RAD51B: variants seen among roughly 807,000 people sequenced by gnomAD.
The protein encoded by RAD51B is DNA repair protein RAD51 homolog 2.
Under a neutral mutation model 42.2 loss-of-function variants are expected in RAD51B, and 38 were observed. The ratio of observed to expected loss-of-function variants is 0.90; its 90% CI spans 0.70 to 1.18. The LOEUF (loss-of-function observed/expected upper bound fraction) is 1.18. Ranked by LOEUF, RAD51B falls within the 50% of genes most tolerant of loss-of-function variation. The pLI, the probability that RAD51B is intolerant of heterozygous loss-of-function variation, is 0.00. For missense variants in RAD51B, 373 were observed against 400.7 expected, an observed-to-expected ratio of 0.93 and a Z score of 0.59; for synonymous variants, 154 against 145.2, an observed-to-expected ratio of 1.06 and a Z score of -0.43.
At chr14:68,156,418 G>T (rs1211541638) in intron 7 of RAD51B, among the ~76,000 whole-genome samples, 1 of 149,036 alleles carries the variant, frequency 6.7e-6, no homozygotes, top group Non-Finnish European at 1.5e-5. Flanking sequence ...GCTTTTAGGG[G>T]AATCCCTTTT....
chr14:68,505,637 A>G (rs572481959), intron 10 of RAD51B, among the ~76,000 whole-genome samples: 168 of 139,380 alleles, frequency 1.2e-3, no homozygotes, highest in Non-Finnish European at 1.8e-3. Context: ...TGCAACCTCT[A>G]CCTCTCTGGT....
downstream of RAD51B, among the ~76,000 whole-genome samples, chr14:68,480,662 G>GA (rs111748995): frequency 0.019 from 2,755 of 146,084 alleles, 62 homozygotes; most frequent in Admixed American, 0.074. Flanking sequence ...AGATTATCAG[G>GA]AAAAAAAAAA....
intron 7 of RAD51B, among the ~76,000 whole-genome samples, chr14:68,154,799 G>A (rs1250705025): frequency 2.6e-5 from 4 of 151,958 alleles, no homozygotes; most frequent in Non-Finnish European, 5.9e-5. Flanking sequence ...GTTTTAGGTG[G>A]TAGGGTAAAT....
At chr14:68,155,487 C>A (rs746169650) in intron 7 of RAD51B, among the ~76,000 whole-genome samples, 1 of 152,036 alleles carries the variant, frequency 6.6e-6, no homozygotes, top group Non-Finnish European at 1.5e-5. Context: ...CCACCGCGCC[C>A]GGCCTATATT....
intron 10 of RAD51B, among the ~76,000 whole-genome samples, chr14:68,515,778 C>CTTT (rs546071661): frequency 8.8e-6 from 1 of 113,398 alleles, no homozygotes; most frequent in Non-Finnish European, 1.8e-5. Context: ...CTTTTCTTTT[C>CTTT]TTTTTTTTTT....
intron 8 of RAD51B, among the ~76,000 whole-genome samples, chr14:68,348,855 T>C (rs2082727649): frequency 6.6e-6 from 1 of 152,234 alleles, no homozygotes; most frequent in Admixed American, 6.5e-5. Context: ...GCCAAGATCC[T>C]GCCACTGCAC....
At chr14:68,025,440 C>CTGG in intron 7 of RAD51B, among the ~76,000 whole-genome samples, 1 of 119,300 alleles carries the variant, frequency 8.4e-6, no homozygotes, top group East Asian at 2.5e-4. Context: ...CTTTGTATGT[C>CTGG]TGGTAGAATT....
At chr14:68,077,062 C>T (rs961221985) in intron 7 of RAD51B, among the ~76,000 whole-genome samples, 3 of 151,974 alleles carry the variant, frequency 2.0e-5, no homozygotes, top group African/African-American at 4.8e-5. Flanking sequence ...CATCTGTAGC[C>T]AAAGGAGTAA....
At chr14:68,090,288 A>G (rs544392689) in intron 7 of RAD51B, among the ~76,000 whole-genome samples, 43 of 152,248 alleles carry the variant, frequency 2.8e-4, no homozygotes, top group African/African-American at 5.1e-4. Flanking sequence ...GCAAATAAAA[A>G]TAGGGATCTT....
rs1181081438 is a variant in RAD51B at position 68,382,539 on chromosome 14, G to A, written c.854-28885G>A. ...CATTCAAATAACAGTTATTACAGAT[G>A]ACACTATGTCAGGCTCTCTGCTAAG... is the stretch of plus-strand genomic sequence containing the variant. On this transcript the variant is annotated intron_variant, in intron 8 of 10. Coordinates refer to ENST00000471583, the MANE Select transcript of RAD51B (RefSeq NM_133510.4). Among the ~76,000 whole-genome samples the A allele has an allele frequency of 2.0e-5, 3 of 152,176 alleles. No homozygotes were observed. The East Asian group carries it at 5.8e-4, about 29-fold the overall frequency.
rs117844718 is a variant in RAD51B at position 67,956,479 on chromosome 14, G to A, written c.756+69275G>A. On this transcript the variant is annotated intron_variant, in intron 7 of 10. Coordinates refer to ENST00000471583, the MANE Select transcript of RAD51B (RefSeq NM_133510.4). ...CCAGCCTGGGCGACAGAGCGACTCC[G>A]TCTAAAATGAAATGAAATGAAATAA... is the stretch of plus-strand genomic sequence containing the variant. Among the ~76,000 whole-genome samples the A allele has an allele frequency of 3.5e-4, 53 of 151,766 alleles. 1 individual carries two copies. The East Asian group carries it at 8.7e-3, about 25-fold the overall frequency.
chr14:68,594,554 C>T, exon 11 of RAD51B: 1 of 1,332,930 alleles, frequency 7.5e-7, no homozygotes, highest in South Asian at 1.2e-5. Flanking sequence ...CCTCAGCCTC[C>T]TGAGCAGCTA....
intron 7 of RAD51B, among the ~76,000 whole-genome samples, chr14:68,036,219 T>C (rs1349337222): frequency 6.6e-6 from 1 of 152,224 alleles, no homozygotes; most frequent in East Asian, 1.9e-4. Flanking sequence ...CCATCTTTAT[T>C]TTTAAAGCCA....
chr14:68,640,960 G>C (rs943498800), intron 10 of RAD51B, among the ~76,000 whole-genome samples: 1 of 152,196 alleles, frequency 6.6e-6, no homozygotes, highest in African/African-American at 2.4e-5. Flanking sequence ...CCAGGATCCT[G>C]AATTTTGAAA....
At chr14:68,298,918 A>T (rs17193284) in intron 8 of RAD51B, among the ~76,000 whole-genome samples, 1 of 152,176 alleles carries the variant, frequency 6.6e-6, no homozygotes, top group Non-Finnish European at 1.5e-5. Flanking sequence ...AAGCGTCTTC[A>T]GAATGCATTT....
At chr14:68,043,628 A>G (rs1357829191) in intron 7 of RAD51B, among the ~76,000 whole-genome samples, 1 of 152,222 alleles carries the variant, frequency 6.6e-6, no homozygotes, top group Non-Finnish European at 1.5e-5. Flanking sequence ...GAACCAGACT[A>G]CTTCCCTGGC....
chr14:68,585,417 G>A (rs1890411182), intron 10 of RAD51B, among the ~76,000 whole-genome samples: 1 of 152,152 alleles, frequency 6.6e-6, no homozygotes, highest in Non-Finnish European at 1.5e-5. Context: ...TCTCCCCTCG[G>A]ACTTTCCCAG....
intron 7 of RAD51B, among the ~76,000 whole-genome samples, chr14:68,020,829 T>G (rs1467701115): frequency 6.6e-6 from 1 of 152,232 alleles, no homozygotes; most frequent in African/African-American, 2.4e-5. Context: ...TATTATTTTC[T>G]AATCTGCTTT....
At chr14:68,159,619 CA>C (rs113802276) in intron 7 of RAD51B, among the ~76,000 whole-genome samples, 2,028 of 62,046 alleles carry the variant, frequency 0.033, 25 homozygotes, top group African/African-American at 0.098. Flanking sequence ...AACTCCATCT[CA>C]AAAAAAAAAA....
Sources: allele counts gnomAD v4.1 joint callset (sites outside exome capture counted in the v4.1 genomes callset), GRCh38; gene constraint gnomAD v4.1.1; transcripts MANE v1.5; gene names NCBI Gene and HGNC (gene_info 2026-07-23, HGNC 2026-07-21).